The following LARGE1 variants were observed in gnomAD, a reference collection of about 807,000 sequenced individuals.
LARGE1 encodes LARGE xylosyl- and glucuronyltransferase 1, also known as xylosyl- and glucuronyltransferase LARGE1.
In LARGE1, 43 loss-of-function variants were observed where a neutral mutation model predicts 87.6. That is an observed-to-expected ratio of 0.49 (90% CI 0.38 to 0.63). LARGE1 has a LOEUF of 0.63. Ranked by LOEUF, LARGE1 falls within the 30% of genes least tolerant of loss-of-function variation. The pLI, the probability that LARGE1 is intolerant of heterozygous loss-of-function variation, is 0.00. For missense variants in LARGE1, 802 were observed against 1,000.2 expected, an observed-to-expected ratio of 0.80 and a Z score of 2.67; for synonymous variants, 434 against 394.6, an observed-to-expected ratio of 1.10 and a Z score of -1.18.
At chr22:33,296,890 T>G (rs2146056873) in intron 12 of LARGE1, among the ~76,000 whole-genome samples, 1 of 152,334 alleles carries the variant, frequency 6.6e-6, no homozygotes, top group South Asian at 2.1e-4. Flanking sequence ...CTTTTAGTAC[T>G]GCTGTGCCCT....
rs1601605042 is a variant in LARGE1 at position 33,368,370 on chromosome 22, C to T, written c.1131+13549G>A. Among the ~76,000 whole-genome samples the T allele has an allele frequency of 2.0e-5, 3 of 151,908 alleles. No homozygotes were observed. The South Asian group carries it at 6.2e-4, about 32-fold the overall frequency. ...CCAACATGGCGAAACCCCATCTCTACCAAAAATGCAAAAATTAGCCAGGCG... is the reference window on the plus strand; with the variant it reads ...CCAACATGGCGAAACCCCATCTCTATCAAAAATGCAAAAATTAGCCAGGCG... On this transcript the variant is annotated intron_variant, in intron 9 of 14. Coordinates refer to ENST00000397394, the MANE Select transcript of LARGE1 (RefSeq NM_133642.5).
chr22:33,562,700 T>C (rs529256344), intron 6 of LARGE1, among the ~76,000 whole-genome samples: 1 of 152,154 alleles, frequency 6.6e-6, no homozygotes, highest in African/African-American at 2.4e-5. Flanking sequence ...AAAATAACCA[T>C]GACAATTCAC....
chr22:33,702,993 C>G (rs1006394827), intron 2 of LARGE1, among the ~76,000 whole-genome samples: 1 of 152,120 alleles, frequency 6.6e-6, no homozygotes, highest in East Asian at 1.9e-4. Flanking sequence ...CCAGGAAGTG[C>G]AAACACCAGG....
chr22:33,258,573 G>C (rs1453540470), intron 11 of LARGE1, among the ~76,000 whole-genome samples: 1 of 152,164 alleles, frequency 6.6e-6, no homozygotes, highest in Non-Finnish European at 1.5e-5. Flanking sequence ...CTAGCCTCTA[G>C]ATGTTTACGG....
intron 3 of LARGE1, among the ~76,000 whole-genome samples, chr22:33,637,462 G>A (rs138313052): frequency 6.6e-6 from 1 of 152,118 alleles, no homozygotes; most frequent in Non-Finnish European, 1.5e-5. Context: ...TGTCTCCAAA[G>A]ATCCCTTCCC....
chr22:33,130,738 G>C, the LARGE1 span, among the ~76,000 whole-genome samples: 1 of 152,022 alleles, frequency 6.6e-6, no homozygotes, highest in East Asian at 1.9e-4. Context: ...AGACAAGAAC[G>C]GGACAGGTGA....
intron 9 of LARGE1, among the ~76,000 whole-genome samples, chr22:33,364,807 C>A (rs1168529810): frequency 6.6e-6 from 1 of 152,054 alleles, no homozygotes; most frequent in African/African-American, 2.4e-5. Context: ...TGCAAACGTC[C>A]CACCGCAGCC....
At chr22:33,419,398 T>C (rs2147548893) in intron 7 of LARGE1, among the ~76,000 whole-genome samples, 1 of 151,268 alleles carries the variant, frequency 6.6e-6, no homozygotes. Flanking sequence ...GTGCCAGGAA[T>C]GATGAGGGCC....
chr22:33,541,653 G>C (rs1048956224), intron 6 of LARGE1, among the ~76,000 whole-genome samples: 1 of 151,744 alleles, frequency 6.6e-6, no homozygotes, highest in Admixed American at 6.6e-5. Context: ...ATTACAATGA[G>C]GCCCAGAGGG....
chr22:33,413,000 A>G (rs987967997), intron 7 of LARGE1, among the ~76,000 whole-genome samples: 1 of 152,316 alleles, frequency 6.6e-6, no homozygotes, highest in South Asian at 2.1e-4. Context: ...ACTGGATCCC[A>G]TATTTCCTAA....
intron 2 of LARGE1, among the ~76,000 whole-genome samples, chr22:33,723,377 C>T (rs2083167811): frequency 6.6e-6 from 1 of 152,156 alleles, no homozygotes; most frequent in African/African-American, 2.4e-5. Flanking sequence ...TCCCAAGAAA[C>T]AGCTCCAGGA....
intron 1 of LARGE1, among the ~76,000 whole-genome samples, chr22:33,796,686 C>T (rs568381646): frequency 6.6e-6 from 1 of 151,634 alleles, no homozygotes; most frequent in African/African-American, 2.4e-5. Context: ...TTGTGGAAGA[C>T]CTTGGAAAAT....
Position 33,756,538 on chromosome 22 carries a change from G to GT in LARGE1, c.106+4832_106+4833insA, listed in dbSNP as rs533544905. 3.1e-3 allele frequency among the ~76,000 whole-genome samples: 475 copies of GT among 152,252 alleles called. 8 individuals are homozygous for GT. The highest frequency in any genetic ancestry group is 2.5e-3 in the East Asian group (13 of 5,176). ...TAGGCAGCCAGACAAAGAAGAGGAA[G>GT]GAAGTAAGAGCAATAGAGGGTGTCA... On this transcript the variant is annotated intron_variant, in intron 2 of 14. Transcript: ENST00000397394.
intron 6 of LARGE1, among the ~76,000 whole-genome samples, chr22:33,471,895 C>T (rs1249963618): frequency 6.6e-6 from 1 of 152,074 alleles, no homozygotes; most frequent in African/African-American, 2.4e-5. Flanking sequence ...ACTAAAAATA[C>T]AAAAATTAGC....
chr22:33,425,673 G>A (rs997409549), intron 7 of LARGE1, among the ~76,000 whole-genome samples: 1 of 152,102 alleles, frequency 6.6e-6, no homozygotes, highest in Non-Finnish European at 1.5e-5. Context: ...ATTTATTTCC[G>A]TAGCTCTAGG....
At chr22:33,175,219 A>T (rs750667332) in intron 11 of LARGE1, among the ~76,000 whole-genome samples, 15 of 152,114 alleles carry the variant, frequency 9.9e-5, no homozygotes, top group Non-Finnish European at 1.8e-4. Context: ...ATTCCCTTTG[A>T]AAACTGGCAC....
chr22:33,886,520 T>C (rs1163801273), intron 1 of LARGE1, among the ~76,000 whole-genome samples: 1 of 151,306 alleles, frequency 6.6e-6, no homozygotes, highest in Non-Finnish European at 1.5e-5. Context: ...CTACTAAAAA[T>C]AGAAAAATTA....
chr22:33,310,164 G>A (rs1935404596), intron 11 of LARGE1, among the ~76,000 whole-genome samples: 1 of 152,094 alleles, frequency 6.6e-6, no homozygotes, highest in South Asian at 2.1e-4. Flanking sequence ...AAGCTCCCAT[G>A]CAATGCTGTG....
chr22:33,418,370 A>G (rs2066575768), intron 7 of LARGE1, among the ~76,000 whole-genome samples: 1 of 152,180 alleles, frequency 6.6e-6, no homozygotes, highest in East Asian at 1.9e-4. Context: ...GGGACATAAC[A>G]TATCCACAGG....
Sources: gnomAD v4.1 joint callset for allele counts (sites outside exome capture counted in the v4.1 genomes callset) on GRCh38, gnomAD v4.1.1 for gene constraint, MANE v1.5 for transcripts, NCBI Gene and HGNC (gene_info 2026-07-23, HGNC 2026-07-21) for gene names.